Variants in SUMF1 observed in about 807,000 individuals in gnomAD.
SUMF1 encodes sulfatase modifying factor 1.
In SUMF1, 48 loss-of-function variants were observed where a neutral mutation model predicts 47.6. The observed-to-expected ratio is 1.01, with a 90% CI of 0.80 to 1.28. SUMF1 has a LOEUF of 1.28. Ranked by LOEUF, SUMF1 falls within the 50% of genes most tolerant of loss-of-function variation. SUMF1 has a pLI of 0.00. For missense variants in SUMF1, 571 were observed against 485.4 expected (o/e 1.18, Z -1.66); for synonymous variants, 230 against 192.1 (o/e 1.20, Z -1.63).
At chr3:4,103,969 G>C (rs749684951) in intron 8 of SUMF1, among the ~76,000 whole-genome samples, 1 of 152,146 alleles carries the variant, frequency 6.6e-6, no homozygotes, top group South Asian at 2.1e-4. Context: ...GTTAACCTAA[G>C]TTTTTGTCTT....
At chr3:4,070,723 C>T (rs111908321) in intron 8 of SUMF1, among the ~76,000 whole-genome samples, 14,435 of 152,016 alleles carry the variant, frequency 0.095, 1,383 homozygotes, top group African/African-American at 0.21. Flanking sequence ...GCAAGCTCCA[C>T]CTCCTGGGTT....
At chr3:4,458,523 T>C (rs2079724666) in intron 1 of SUMF1, among the ~76,000 whole-genome samples, 2 of 152,054 alleles carry the variant, frequency 1.3e-5, no homozygotes, top group Admixed American at 1.3e-4. Flanking sequence ...TGTTTATATA[T>C]ACATATATAT....
chr3:4,106,612 C>T (rs116705715), intron 8 of SUMF1, among the ~76,000 whole-genome samples: 5 of 151,952 alleles, frequency 3.3e-5, no homozygotes, highest in South Asian at 4.2e-4. Flanking sequence ...AAAGAAATAA[C>T]GAGAAACTTG....
chr3:4,342,277 A>C (rs1246304388), intron 8 of SUMF1, among the ~76,000 whole-genome samples: 1 of 152,226 alleles, frequency 6.6e-6, no homozygotes, highest in African/African-American at 2.4e-5. Context: ...TCACACCTGT[A>C]ATCTCAGCAC....
intron 8 of SUMF1, among the ~76,000 whole-genome samples, chr3:4,206,029 T>C (rs1695645333): frequency 6.6e-6 from 1 of 152,094 alleles, no homozygotes; most frequent in Non-Finnish European, 1.5e-5. Context: ...AGTTTCCTTC[T>C]GGTTCAGGGT....
intron 8 of SUMF1, among the ~76,000 whole-genome samples, chr3:4,248,986 C>A (rs986995311): frequency 2.6e-5 from 4 of 152,186 alleles, no homozygotes; most frequent in Non-Finnish European, 5.9e-5. Flanking sequence ...TGTGCATGTG[C>A]ATCTGCATGA....
At chr3:4,445,530 G>A (rs1418598124) in intron 3 of SUMF1, among the ~76,000 whole-genome samples, 1 of 151,858 alleles carries the variant, frequency 6.6e-6, no homozygotes, top group East Asian at 1.9e-4. Flanking sequence ...GTAGAGATGG[G>A]GTCTCTCTCT....
At chr3:4,278,970 C>T (rs1238464778) in intron 8 of SUMF1, among the ~76,000 whole-genome samples, 2 of 151,986 alleles carry the variant, frequency 1.3e-5, no homozygotes, top group Admixed American at 6.6e-5. Flanking sequence ...ATCATCTAGG[C>T]TTTGTAGTTT....
intron 8 of SUMF1, among the ~76,000 whole-genome samples, chr3:4,090,217 G>A (rs1161817697): frequency 6.6e-6 from 1 of 152,098 alleles, no homozygotes; most frequent in Admixed American, 6.5e-5. Context: ...TTTTGTTATA[G>A]AATTGATCAG....
At chr3:4,265,813 G>A (rs1364635944) in intron 8 of SUMF1, among the ~76,000 whole-genome samples, 2 of 152,138 alleles carry the variant, frequency 1.3e-5, no homozygotes, top group Non-Finnish European at 2.9e-5. Context: ...CTGTGCCTAT[G>A]TCCTCAATGG....
intron 8 of SUMF1, among the ~76,000 whole-genome samples, chr3:4,195,525 C>A (rs1352924991): frequency 6.6e-6 from 1 of 152,172 alleles, no homozygotes; most frequent in East Asian, 1.9e-4. Context: ...AGGAAACTGG[C>A]CTACATTTAA....
intron 8 of SUMF1, among the ~76,000 whole-genome samples, chr3:4,366,549 C>T (rs1323813897): frequency 6.7e-6 from 1 of 149,850 alleles, no homozygotes; most frequent in Non-Finnish European, 1.5e-5. Context: ...GTTCTCGAGC[C>T]TTGGCTTTCA....
At chr3:4,408,415 A>G (rs1421292212) in intron 7 of SUMF1, among the ~76,000 whole-genome samples, 1 of 152,258 alleles carries the variant, frequency 6.6e-6, no homozygotes, top group Non-Finnish European at 1.5e-5. Context: ...TATTTTCTGT[A>G]CTATTCTGAA....
At chr3:4,356,121 C>T (rs1224091988) in intron 8 of SUMF1, among the ~76,000 whole-genome samples, 3 of 152,174 alleles carry the variant, frequency 2.0e-5, no homozygotes, top group Non-Finnish European at 4.4e-5. Context: ...CCATCTGAGG[C>T]TCTCGGAGTT....
intron 8 of SUMF1, among the ~76,000 whole-genome samples, chr3:4,248,141 A>G (rs973457319): frequency 6.6e-6 from 1 of 152,190 alleles, no homozygotes; most frequent in African/African-American, 2.4e-5. Flanking sequence ...GTCCTGGGTA[A>G]GTCTCATTGC....
intron 3 of SUMF1, among the ~76,000 whole-genome samples, chr3:4,448,899 T>C (rs1296437048): frequency 2.0e-5 from 3 of 152,246 alleles, no homozygotes; most frequent in Non-Finnish European, 4.4e-5. Flanking sequence ...CCTGAGGAGA[T>C]GGAGACTTTT....
chr3:4,176,683 T>C (rs1242186944), intron 8 of SUMF1, among the ~76,000 whole-genome samples: 1 of 152,122 alleles, frequency 6.6e-6, no homozygotes, highest in African/African-American at 2.4e-5. Flanking sequence ...AATTCACACA[T>C]AACAACATTA....
In SUMF1 at chr3:4,218,251, T is replaced by C. The variant is rs73806933; in HGVS notation, c.1015-149506A>G. ...CTCATGCTTCTAGCCTCCTGAATTG[T>C]GAGAGAATAAAATTCTGTTGTTTAA... On this transcript the variant is annotated intron_variant and NMD_transcript_variant, in intron 8 of 12. Coordinates refer to the SUMF1 transcript ENST00000448413. Among the ~76,000 whole-genome samples the C allele has an allele frequency of 5.7e-3, 868 of 152,120 alleles. 10 individuals are homozygous for C. The highest frequency in any genetic ancestry group is 0.02 in the African/African-American group (816 of 41,522).
chr3:4,086,083 G>T (rs1692665103), intron 8 of SUMF1, among the ~76,000 whole-genome samples: 1 of 151,870 alleles, frequency 6.6e-6, no homozygotes, highest in South Asian at 2.1e-4. Context: ...TAAGGCTGGG[G>T]TTCTAAACAC....
Sources: allele counts gnomAD v4.1 joint callset (sites outside exome capture counted in the v4.1 genomes callset), GRCh38; gene constraint gnomAD v4.1.1; transcripts MANE v1.5; gene names NCBI Gene and HGNC (gene_info 2026-07-23, HGNC 2026-07-21).